The following POU6F2 variants were observed in gnomAD, a reference collection of about 807,000 sequenced individuals.
The protein encoded by POU6F2 is POU domain, class 6, transcription factor 2.
POU6F2 carries 31 observed loss-of-function variants against 71.3 expected under a neutral mutation model. The ratio of observed to expected loss-of-function variants is 0.43; its 90% CI spans 0.33 to 0.59. The LOEUF (loss-of-function observed/expected upper bound fraction) is 0.59. POU6F2 is among the 20% of genes least tolerant of loss of function. The pLI, the probability that POU6F2 is intolerant of heterozygous loss-of-function variation, is 0.04. For synonymous variants in POU6F2, 347 were observed against 355.7 expected, an observed-to-expected ratio of 0.98 and a Z score of 0.27; for missense variants, 783 against 856.8, an observed-to-expected ratio of 0.91 and a Z score of 1.07.
intron 6 of POU6F2, among the ~76,000 whole-genome samples, chr7:39,419,977 G>A (rs576337742): frequency 1.3e-5 from 2 of 152,118 alleles, no homozygotes; most frequent in Non-Finnish European, 2.9e-5. Context: ...TAATCAAAAG[G>A]CAGGGCCACA....
At chr7:39,015,393 A>G (rs1375464010) in intron 1 of POU6F2, among the ~76,000 whole-genome samples, 2 of 124,920 alleles carry the variant, frequency 1.6e-5, no homozygotes, top group Admixed American at 1.9e-4. Context: ...TATAATAGAT[A>G]TATATTATAT....
intron 2 of POU6F2, among the ~76,000 whole-genome samples, chr7:39,179,881 A>C (rs1793405310): frequency 6.6e-6 from 1 of 152,160 alleles, no homozygotes; most frequent in Admixed American, 6.5e-5. Context: ...GTTGTATTTC[A>C]TTTCTCCCAT....
intron 2 of POU6F2, among the ~76,000 whole-genome samples, chr7:39,170,130 T>C (rs1793190980): frequency 6.6e-6 from 1 of 152,138 alleles, no homozygotes; most frequent in Admixed American, 6.5e-5. Context: ...ACCTTGCCAC[T>C]GCACTCCAGC....
At chr7:39,362,594 A>G (rs1314497921) in intron 5 of POU6F2, among the ~76,000 whole-genome samples, 1 of 152,178 alleles carries the variant, frequency 6.6e-6, no homozygotes, top group African/African-American at 2.4e-5. Context: ...TCATTTATCA[A>G]CTGTGTGTTA....
At chr7:39,131,645 G>T (rs1792284723) in intron 2 of POU6F2, among the ~76,000 whole-genome samples, 1 of 152,130 alleles carries the variant, frequency 6.6e-6, no homozygotes, top group African/African-American at 2.4e-5. Context: ...CTATATCCTG[G>T]CTGTGAAATG....
intron 5 of POU6F2, among the ~76,000 whole-genome samples, chr7:39,357,480 C>T (rs1230914943): frequency 6.6e-6 from 1 of 152,182 alleles, no homozygotes; most frequent in Non-Finnish European, 1.5e-5. Context: ...CCCGGTCTGA[C>T]CCCAAGGGAT....
At chr7:39,121,001 G>A (rs1792029294) in intron 2 of POU6F2, 1 of 149,480 alleles carries the variant, frequency 6.7e-6, no homozygotes, top group Non-Finnish European at 1.5e-5. Flanking sequence ...TGCTTTCACT[G>A]TTACCCACGG....
At chr7:39,135,267 T>C (rs1383615129) in intron 2 of POU6F2, among the ~76,000 whole-genome samples, 1 of 152,212 alleles carries the variant, frequency 6.6e-6, no homozygotes, top group Non-Finnish European at 1.5e-5. Flanking sequence ...ATTTATCAAG[T>C]ACTTACTATA....
chr7:39,126,328 G>A (rs115280845), intron 2 of POU6F2, among the ~76,000 whole-genome samples: 793 of 152,284 alleles, frequency 5.2e-3, no homozygotes, highest in African/African-American at 0.018. Context: ...TGGAGGGCAG[G>A]GAACTTCTGA....
intron 1 of POU6F2, among the ~76,000 whole-genome samples, chr7:39,008,957 G>C (rs865784040): frequency 6.6e-6 from 1 of 152,112 alleles, no homozygotes; most frequent in African/African-American, 2.4e-5. Flanking sequence ...CAGGTAGCAT[G>C]ATGCCTCCAG....
At chr7:39,258,836 T>G (rs1784076726) in intron 4 of POU6F2, among the ~76,000 whole-genome samples, 1 of 152,004 alleles carries the variant, frequency 6.6e-6, no homozygotes. Flanking sequence ...TGACAAAGAA[T>G]GCAAAGGTAA....
chr7:39,314,843 A>G (rs1401399196), intron 4 of POU6F2, among the ~76,000 whole-genome samples: 1 of 152,148 alleles, frequency 6.6e-6, no homozygotes, highest in Non-Finnish European at 1.5e-5. Flanking sequence ...CTTAAGCCCA[A>G]CTGAGGTAAT....
At chr7:39,455,024 T>G (rs960704206) in intron 8 of POU6F2, among the ~76,000 whole-genome samples, 9 of 152,012 alleles carry the variant, frequency 5.9e-5, no homozygotes, top group African/African-American at 2.2e-4. Flanking sequence ...CAATACTTAT[T>G]TATAGCACCT....
chr7:39,061,220 C>T (rs1376812822), intron 1 of POU6F2, among the ~76,000 whole-genome samples: 3 of 151,986 alleles, frequency 2.0e-5, no homozygotes, highest in Non-Finnish European at 4.4e-5. Context: ...CAGTTGTGGT[C>T]TTATGTCTAC....
At chr7:39,292,578 G>A (rs1415361529) in intron 4 of POU6F2, among the ~76,000 whole-genome samples, 1 of 152,152 alleles carries the variant, frequency 6.6e-6, no homozygotes, top group Non-Finnish European at 1.5e-5. Context: ...CATTTGGGAT[G>A]CATTGTTTTT....
At chr7:39,168,498 C>T (rs1793157246) in intron 2 of POU6F2, among the ~76,000 whole-genome samples, 1 of 152,176 alleles carries the variant, frequency 6.6e-6, no homozygotes, top group African/African-American at 2.4e-5. Context: ...AAAGTCTTGA[C>T]TGTAATCAAA....
rs1294372489 is a variant in POU6F2 at position 39,468,502 on chromosome 7, T to C, written c.*3816T>C. 6.6e-6 allele frequency: 1 copy of C among 152,092 alleles called. No homozygotes were observed. The highest frequency in any genetic ancestry group is 1.5e-5 in the Non-Finnish European group (1 of 68,014). 9.4% of individuals were successfully genotyped at this position (152,092 alleles called of 1,614,324 possible). On this transcript the variant is annotated 3_prime_UTR_variant, in exon 10 of 10. Transcript: ENST00000518318. The stretch of plus-strand genomic sequence containing the variant: ...AAACTGTACTTAATCTAGAGCAATA[T>C]CTGTATGGTCAGTAAAGCTGCACTT...
chr7:39,310,063 C>T (rs1011516842), intron 4 of POU6F2, among the ~76,000 whole-genome samples: 2 of 152,206 alleles, frequency 1.3e-5, no homozygotes, highest in African/African-American at 2.4e-5. Context: ...GCCGTAACCC[C>T]GCAAGAAGGC....
intron 4 of POU6F2, among the ~76,000 whole-genome samples, chr7:39,213,119 T>C (rs1192805516): frequency 3.9e-5 from 6 of 152,212 alleles, no homozygotes; most frequent in African/African-American, 1.4e-4. Context: ...TGTCAAAGTG[T>C]GAACATTCCA....
Sources: gnomAD v4.1 joint callset for allele counts (sites outside exome capture counted in the v4.1 genomes callset) on GRCh38, gnomAD v4.1.1 for gene constraint, MANE v1.5 for transcripts, NCBI Gene and HGNC (gene_info 2026-07-23, HGNC 2026-07-21) for gene names.